The following GPR149 variants were observed in gnomAD, a reference collection of about 807,000 sequenced individuals.
The protein encoded by GPR149 is G protein-coupled receptor 149, also known as probable G protein-coupled receptor 149.
In GPR149, 50 loss-of-function variants were observed where a neutral mutation model predicts 50.2. The observed-to-expected ratio is 1.00, with a 90% CI of 0.79 to 1.26. GPR149 has a LOEUF of 1.26. GPR149 is among the 50% of genes most tolerant of loss of function. The pLI, the probability that GPR149 is intolerant of heterozygous loss-of-function variation, is 0.00. For missense variants in GPR149, 983 were observed against 895.4 expected (o/e 1.10, Z -1.25); for synonymous variants, 405 against 358.2 (o/e 1.13, Z -1.48).
chr3:154,398,075 A>G (rs1444059007), intron 3 of GPR149, among the ~76,000 whole-genome samples: 1 of 152,170 alleles, frequency 6.6e-6, no homozygotes, highest in Non-Finnish European at 1.5e-5. Context: ...AAGCTTATAT[A>G]TATACACACT....
intron 3 of GPR149, among the ~76,000 whole-genome samples, chr3:154,411,452 C>G (rs923553950): frequency 6.6e-6 from 1 of 151,798 alleles, no homozygotes; most frequent in Non-Finnish European, 1.5e-5. Flanking sequence ...AGACCATTAG[C>G]GAGATTTATC....
chr3:154,369,912 G>A (rs1157507608), intron 3 of GPR149, among the ~76,000 whole-genome samples: 1 of 152,262 alleles, frequency 6.6e-6, no homozygotes, highest in East Asian at 1.9e-4. Flanking sequence ...GAATGACCCC[G>A]GAGGAGAGGG....
intron 3 of GPR149, among the ~76,000 whole-genome samples, chr3:154,414,310 T>C (rs577614663): frequency 1.3e-5 from 2 of 151,194 alleles, no homozygotes; most frequent in African/African-American, 4.9e-5. Context: ...CCTATTGAAA[T>C]AAAAAAACAA....
intron 2 of GPR149, among the ~76,000 whole-genome samples, chr3:154,422,237 AAAT>A (rs1245777897): frequency 1.3e-5 from 2 of 151,672 alleles, no homozygotes; most frequent in Non-Finnish European, 3.0e-5. Flanking sequence ...AAATATGATG[AAAT>A]AATAATTATA....
In GPR149 at chr3:154,343,980, C is replaced by T. The variant is rs146574430; in HGVS notation, c.1624-5709G>A. ...GGTGACAGTGAGACCTTGTCCCCAC[C>T]GCCCCCCCAAAAAAAAAGAAAGAAA... On this transcript the variant is annotated intron_variant, in intron 3 of 3. Coordinates refer to ENST00000389740, the MANE Select transcript of GPR149 (RefSeq NM_001038705.3). Among the ~76,000 whole-genome samples the T allele has an allele frequency of 7.4e-3, 1,114 of 151,382 alleles. 12 individuals carry two copies. The highest frequency in any genetic ancestry group is 0.025 in the African/African-American group (1,045 of 41,224).
At chr3:154,405,394 C>T (rs1711656960) in intron 3 of GPR149, among the ~76,000 whole-genome samples, 1 of 151,892 alleles carries the variant, frequency 6.6e-6, no homozygotes, top group Non-Finnish European at 1.5e-5. Flanking sequence ...CGAGACCATC[C>T]TGGCTAACAC....
intron 3 of GPR149, among the ~76,000 whole-genome samples, chr3:154,340,841 C>T (rs1327395209): frequency 1.3e-5 from 2 of 152,176 alleles, no homozygotes; most frequent in Non-Finnish European, 2.9e-5. Flanking sequence ...CCTGCCTCAG[C>T]CTCCTGAGTA....
rs760182306 is a variant in GPR149, at chr3:154,428,777, G to T, written c.839C>A (p.Pro280His). Reference protein sequence around the residue: ...SSDTVFGPGAPAAAGAEACRR... With the variant: ...SSDTVFGPGAHAAAGAEACRR... Reference sequence around the variant, plus strand: ...GCAGGCTTCAGCCCCAGCGGCAGCGGGCGCACCCGGTCCGAACACGGTGTC... The same window carrying T: ...GCAGGCTTCAGCCCCAGCGGCAGCGTGCGCACCCGGTCCGAACACGGTGTC... The change falls in exon 1 of 4, where the codon CCC (proline) becomes CAC (histidine). Residue 280 changes from proline to histidine, a missense_variant. Physicochemically the swap from Pro to His is moderately conservative, Grantham distance 77 (BLOSUM62 -2). Coordinates refer to ENST00000389740, the MANE Select transcript of GPR149 (RefSeq NM_001038705.3). 1.2e-6 allele frequency: 2 copies of T among 1,613,822 alleles called. No homozygotes were observed. The highest frequency in any genetic ancestry group is 1.7e-6 in the Non-Finnish European group (2 of 1,179,994).
At chr3:154,420,262 G>A (rs1712100323) in intron 3 of GPR149, among the ~76,000 whole-genome samples, 1 of 151,878 alleles carries the variant, frequency 6.6e-6, no homozygotes, top group Non-Finnish European at 1.5e-5. Context: ...AATCAATAGT[G>A]TGGAAAGCAA....
chr3:154,377,123 A>T (rs1714810457), intron 3 of GPR149, among the ~76,000 whole-genome samples: 1 of 151,340 alleles, frequency 6.6e-6, no homozygotes, highest in Non-Finnish European at 1.5e-5. Context: ...GCAGGTATTT[A>T]TAAAGTAAAA....
At chr3:154,392,484 G>T (rs1715193489) in intron 3 of GPR149, among the ~76,000 whole-genome samples, 1 of 151,618 alleles carries the variant, frequency 6.6e-6, no homozygotes, top group Non-Finnish European at 1.5e-5. Context: ...TATTTAAAAA[G>T]CAGGAAACTC....
Position 154,429,336 on chromosome 3 carries a change from G to A in GPR149, c.280C>T (p.Pro94Ser). 6.2e-7 allele frequency: 1 copy of A among 1,614,160 alleles called. No individual in the cohort carries two copies. The highest frequency in any genetic ancestry group is 8.5e-7 in the Non-Finnish European group (1 of 1,180,032). Reference protein sequence around the residue: ...SVTIFMFLQWPNEVPGYFQFL... With the variant: ...SVTIFMFLQWSNEVPGYFQFL... ...TGGAAGTAACCGGGGACCTCGTTTG[G>A]CCACTGCAAAAACATGAAGATGGTC... Residue 94 changes from proline (P) to serine (S), a missense_variant, in exon 1 of 4, where the codon CCA (proline) becomes TCA (serine). Physicochemically the swap from Pro to Ser is moderately conservative, Grantham distance 74. Coordinates refer to ENST00000389740, the MANE Select transcript of GPR149 (RefSeq NM_001038705.3).
At chr3:154,395,625 C>T (rs995237258) in intron 3 of GPR149, among the ~76,000 whole-genome samples, 23 of 151,932 alleles carry the variant, frequency 1.5e-4, no homozygotes, top group Admixed American at 3.3e-4. Flanking sequence ...CCTGTTTCTA[C>T]GAAAATAAAC....
At chr3:154,353,412 A>C in intron 3 of GPR149, 2 of 1,103,738 alleles carry the variant, frequency 1.8e-6, no homozygotes, top group Non-Finnish European at 2.8e-6. Flanking sequence ...GGATTTGTGA[A>C]TCACATCTTC....
At chr3:154,352,488 G>C in intron 3 of GPR149, 1 of 777,184 alleles carries the variant, frequency 1.3e-6, no homozygotes, top group Non-Finnish European at 2.4e-6. Flanking sequence ...GCACACACTG[G>C]TAATCTGAGA....
intron 3 of GPR149, among the ~76,000 whole-genome samples, chr3:154,363,349 G>T (rs563376701): frequency 6.6e-6 from 1 of 151,962 alleles, no homozygotes; most frequent in Non-Finnish European, 1.5e-5. Flanking sequence ...ATTCAGTCTT[G>T]AATAATTGGC....
intron 3 of GPR149, among the ~76,000 whole-genome samples, chr3:154,379,935 G>A (rs945056853): frequency 6.6e-6 from 1 of 151,466 alleles, no homozygotes; most frequent in Non-Finnish European, 1.5e-5. Context: ...ATATATATGT[G>A]TATGTGTGTT....
intron 3 of GPR149, among the ~76,000 whole-genome samples, chr3:154,392,101 A>G (rs766227679): frequency 2.1e-4 from 32 of 152,022 alleles, no homozygotes; most frequent in Non-Finnish European, 3.4e-4. Context: ...ATAATATAAC[A>G]TTTGAAAAAA....
At chr3:154,340,532 CTA>C (rs1454332905) in intron 3 of GPR149, among the ~76,000 whole-genome samples, 5 of 152,142 alleles carry the variant, frequency 3.3e-5, no homozygotes, top group Non-Finnish European at 2.9e-5. Context: ...TATGGAGATG[CTA>C]TCTCTTAAGA....
Sources: gnomAD v4.1 joint callset for allele counts (sites outside exome capture counted in the v4.1 genomes callset) on GRCh38, gnomAD v4.1.1 for gene constraint, MANE v1.5 for transcripts, NCBI Gene and HGNC (gene_info 2026-07-23, HGNC 2026-07-21) for gene names.